Variants in LRRC71 observed in about 807,000 individuals in gnomAD.
LRRC71 encodes leucine-rich repeat-containing protein 71.
In LRRC71, 54 loss-of-function variants were observed where a neutral mutation model predicts 66.6. The ratio of observed to expected loss-of-function variants is 0.81; its 90% CI spans 0.65 to 1.02. The LOEUF (loss-of-function observed/expected upper bound fraction) is 1.02, where lower values mean the gene tolerates loss of function less well. LRRC71 is among the 50% of genes least tolerant of loss of function. The pLI is 0.00. For missense variants in LRRC71, 724 were observed against 718.0 expected, an observed-to-expected ratio of 1.01 and a Z score of -0.10; for synonymous variants, 323 against 303.9, an observed-to-expected ratio of 1.06 and a Z score of -0.65.
In LRRC71 at chr1:156,928,022, C is replaced by A; in HGVS notation, c.996+18C>A. The stretch of plus-strand genomic sequence containing the variant: ...CGCGATCGGTGAGGAGCTACCAGGC[C>A]CCAGGACCAGCCGAGAGCCCCTCTG... On this transcript the variant is annotated intron_variant, in intron 9 of 14. Coordinates refer to ENST00000337428, the MANE Select transcript of LRRC71 (RefSeq NM_144702.3). 6.3e-7 allele frequency: 1 copy of A among 1,575,990 alleles called. No homozygotes were observed. Among genetic ancestry groups the A allele is most frequent in the African/African-American group, 1.4e-5 (1 of 74,040 alleles).
intron 14 of LRRC71, 101 bp downstream of exon 14, chr1:156,932,646 G>A: frequency 6.2e-7 from 1 of 1,612,750 alleles, no homozygotes; most frequent in East Asian, 2.2e-5. Context: ...CATTTCCAAG[G>A]AAGGTCTGTA....
the LRRC71 span, chr1:156,939,943 A>G: frequency 5.6e-6 from 9 of 1,594,958 alleles, no homozygotes; most frequent in Non-Finnish European, 7.6e-6. Context: ...TCTTCCCAGC[A>G]TGGGACTGCA....
chr1:156,936,193 G>T (rs748328591), downstream of LRRC71: 1 of 961,610 alleles, frequency 1.0e-6, no homozygotes, highest in Admixed American at 1.7e-5. Flanking sequence ...CCAGTTTCTC[G>T]TAGGGCTTGA....
chr1:156,941,022 C>T, the LRRC71 span, among the ~76,000 whole-genome samples: 17 of 152,164 alleles, frequency 1.1e-4, no homozygotes, highest in Non-Finnish European at 1.9e-4. Flanking sequence ...TTTCCATTCT[C>T]ATTGTTGCAG....
Position 156,932,861 on chromosome 1 carries a change from C to A in LRRC71, c.1572C>A (p.Cys524Ter). 6.2e-7 allele frequency: 1 copy of A among 1,605,060 alleles called. No individual in the cohort carries two copies. The highest frequency in any genetic ancestry group is 2.3e-5 in the East Asian group (1 of 44,332). ...GLLWLSLAKN[C>*]FAPQCPAYAI... Reference sequence around the variant, plus strand: ...CTTCCTTTTCTTTTCAGAAAAATTGCTTCGCCCCACAATGTCCTGCGTACG... The same window carrying A: ...CTTCCTTTTCTTTTCAGAAAAATTGATTCGCCCCACAATGTCCTGCGTACG... The change falls in exon 15 of 15, where the codon TGC becomes TGA. Residue 524 changes from cysteine to a stop codon, truncating the protein, a stop_gained. Transcript: ENST00000337428. LOFTEE classifies it high-confidence loss of function.
At chr1:156,936,494 AAAAATAT>A (rs1255472153), downstream of LRRC71, among the ~76,000 whole-genome samples, 494 of 90,194 alleles carry the variant, frequency 5.5e-3, 8 homozygotes, top group African/African-American at 0.015. Context: ...AAAAAAAAAA[AAAAATAT>A]ATATATATAT....
chr1:156,921,930 A>G (rs746471068), intron 1 of LRRC71, among the ~76,000 whole-genome samples: 5 of 152,182 alleles, frequency 3.3e-5, no homozygotes, highest in Non-Finnish European at 7.3e-5. Context: ...GGTAGAAGTA[A>G]TAAGAGTTGG....
At chr1:156,930,060 T>TTTTC (rs1553189698) in intron 11 of LRRC71, among the ~76,000 whole-genome samples, 16 of 126,234 alleles carry the variant, frequency 1.3e-4, no homozygotes, top group East Asian at 2.5e-4. Flanking sequence ...CTTTCTTTCT[T>TTTTC]TTTCTTTCTT....
chr1:156,922,506 C>A (rs919762230), intron 1 of LRRC71, among the ~76,000 whole-genome samples: 4 of 152,126 alleles, frequency 2.6e-5, no homozygotes, highest in African/African-American at 9.7e-5. Context: ...TATCTAATGG[C>A]TTTTATTTCT....
In LRRC71 at chr1:156,932,985, T is replaced by G; in HGVS notation, c.*16T>G. ...CTTCCCCTAGCCCCCTCCCACCTGCTTGCCTCTAAGACTCGGGGCTACAGA... is the reference window on the plus strand; with the variant it reads ...CTTCCCCTAGCCCCCTCCCACCTGCGTGCCTCTAAGACTCGGGGCTACAGA... On this transcript the variant is annotated 3_prime_UTR_variant, in exon 15 of 15. Coordinates refer to ENST00000337428, the MANE Select transcript of LRRC71 (RefSeq NM_144702.3). The G allele has an allele frequency of 6.5e-7, 1 of 1,545,784 alleles. No homozygotes were observed. The highest frequency in any genetic ancestry group is 8.8e-7 in the Non-Finnish European group (1 of 1,141,594).
the LRRC71 span, chr1:156,939,505 C>G: frequency 1.3e-5 from 21 of 1,602,634 alleles, 1 homozygote; most frequent in South Asian, 1.8e-4. Flanking sequence ...TCTCACCTAG[C>G]AAGGGTGCTT....
chr1:156,938,432 C>A, the LRRC71 span: 1 of 1,613,696 alleles, frequency 6.2e-7, no homozygotes, highest in Non-Finnish European at 8.5e-7. Context: ...AGCCTTTGTT[C>A]CGCCTTCCAC....
At chr1:156,923,370 G>A (rs1652688165) in intron 1 of LRRC71, among the ~76,000 whole-genome samples, 1 of 152,214 alleles carries the variant, frequency 6.6e-6, no homozygotes, top group African/African-American at 2.4e-5. Context: ...TGTGGTGGGC[G>A]CGTGTGAATT....
chr1:156,930,574 AG>A lies in LRRC71; in HGVS notation c.1287del (p.Ile430SerfsTer105). 6.4e-7 allele frequency: 1 copy of A among 1,570,422 alleles called. No individual in the cohort carries two copies. Among genetic ancestry groups the A allele is most frequent in the Non-Finnish European group, 8.6e-7 (1 of 1,157,626 alleles). On this transcript the variant is annotated frameshift_variant, in exon 12 of 15. Transcript: ENST00000337428. LOFTEE classifies it high-confidence loss of function. ...EQKPSRAKGIKIGSREKRSIL... is the reference protein window; with the variant it reads ...EQKPSRAKGIXIGSREKRSIL... ...AAGCCAAGCAGGGCAAAAGGGATCA[AG>A]ATCGGGAGCAGAGAGAAGCGCAGCA...
chr1:156,926,189 A>T (rs1294069691), intron 5 of LRRC71, among the ~76,000 whole-genome samples: 1 of 152,202 alleles, frequency 6.6e-6, no homozygotes, highest in Non-Finnish European at 1.5e-5. Context: ...TGTGTGACAA[A>T]TTAACCCCAA....
Position 156,927,626 on chromosome 1 carries a change from G to A in LRRC71, c.793G>A (p.Gly265Ser), listed in dbSNP as rs1383065519. The change falls in exon 7 of 15, where the codon GGT (glycine) becomes AGT (serine). Residue 265 changes from glycine to serine, a missense_variant. Gly to Ser is a moderately conservative substitution (Grantham distance 56, BLOSUM62 0). Coordinates refer to ENST00000337428, the MANE Select transcript of LRRC71 (RefSeq NM_144702.3). ...GCTCAACCTGGGTTTCAACCACATC[G>A]GTGACGAGGGCGCAGGCTACATCGC... ...VSLNLGFNHI[G>S]DEGAGYIADG... 1 of 1,603,562 alleles carries A rather than the reference G, an allele frequency of 6.2e-7. No homozygotes were observed. Among genetic ancestry groups the A allele is most frequent in the Non-Finnish European group, 8.5e-7 (1 of 1,175,022 alleles).
intron 5 of LRRC71, among the ~76,000 whole-genome samples, chr1:156,925,707 C>G (rs1035895065): frequency 2.6e-5 from 4 of 152,210 alleles, no homozygotes; most frequent in Admixed American, 2.0e-4. Context: ...CTTCTCTAGG[C>G]TCCCACAGCA....
intron 2 of LRRC71, 144 bp from the exon 3 acceptor site, chr1:156,924,280 C>G: frequency 7.6e-7 from 1 of 1,313,800 alleles, no homozygotes; most frequent in Non-Finnish European, 1.0e-6. Flanking sequence ...CCAGCAGAGG[C>G]GCGAGTGGCC....
At chr1:156,936,497 A>AAAAT (rs370282821), downstream of LRRC71, among the ~76,000 whole-genome samples, 23 of 33,934 alleles carry the variant, frequency 6.8e-4, no homozygotes, top group Middle Eastern at 0.015. Flanking sequence ...AAAAAAAAAA[A>AAAAT]ATATATATAT....
Sources: gnomAD v4.1 joint callset for allele counts (sites outside exome capture counted in the v4.1 genomes callset) on GRCh38, gnomAD v4.1.1 for gene constraint, MANE v1.5 for transcripts, NCBI Gene and HGNC (gene_info 2026-07-23, HGNC 2026-07-21) for gene names.